SMARCA1: variants seen among roughly 807,000 people sequenced by gnomAD.
SMARCA1 encodes the protein SNF2 related chromatin remodeling ATPase 1, also known as SWI/SNF-related matrix-associated actin-dependent regulator of chromatin subfamily A member 1.
Under a neutral mutation model 93.6 loss-of-function variants are expected in SMARCA1, and 17 were observed. The ratio of observed to expected loss-of-function variants is 0.18; its 90% CI spans 0.12 to 0.27. The LOEUF (loss-of-function observed/expected upper bound fraction) is 0.27, where lower values mean the gene tolerates loss of function less well. Ranked by LOEUF, SMARCA1 falls within the 10% of genes least tolerant of loss-of-function variation. SMARCA1 has a pLI of 1.00. For missense variants in SMARCA1, 630 were observed against 819.0 expected, an observed-to-expected ratio of 0.77 and a Z score of 2.82; for synonymous variants, 271 against 271.4, an observed-to-expected ratio of 1.00 and a Z score of 0.01.
In SMARCA1 at chrX:129,446,861, C is replaced by T. The variant is rs951673337; in HGVS notation, c.*301G>A. On this transcript the variant is annotated 3_prime_UTR_variant, in exon 25 of 25. Transcript: ENST00000371121. ...GAATCTAGGTTCTCTTTCAAAGCAG[C>T]GGCATATAAAACATAGAAAAGCTAA... The T allele has an allele frequency of 5.4e-6, 1 of 183,659 alleles. No individual in the cohort carries two copies. The allele number at this position is 183,659 out of a possible 1,213,427, so 15.1% of individuals were successfully genotyped here.
intron 1 of SMARCA1, among the ~76,000 whole-genome samples, chrX:129,520,519 C>T (rs1935351392): frequency 9.0e-6 from 1 of 110,686 alleles, no homozygotes; most frequent in East Asian, 2.8e-4. Context: ...ATTTGGTAGA[C>T]AATTCCACCA....
rs764813501 is a variant in SMARCA1, at chrX:129,457,161, A to T, written c.3030+8359T>A. 2.7e-5 allele frequency among the ~76,000 whole-genome samples: 3 copies of T among 112,540 alleles called. No homozygotes were observed. In the Admixed American group the frequency reaches 2.8e-4, roughly 11 times the overall value. On this transcript the variant is annotated intron_variant, in intron 23 of 24. Coordinates refer to ENST00000371121, the MANE Select transcript of SMARCA1 (RefSeq NM_001282874.2). ...GAGGCAAGACCATCCACCAGCAAAAAGATTACAACTTGCTAAAGGCTCAGA... is the reference window on the plus strand; with the variant it reads ...GAGGCAAGACCATCCACCAGCAAAATGATTACAACTTGCTAAAGGCTCAGA...
intron 9 of SMARCA1, among the ~76,000 whole-genome samples, 169 bp downstream of exon 9, chrX:129,504,565 A>T (rs1049342261): frequency 1.0e-5 from 1 of 98,070 alleles, no homozygotes; most frequent in South Asian, 4.5e-4. Context: ...AAAAAAAAAA[A>T]AAAAAAAAAA....
intron 23 of SMARCA1, among the ~76,000 whole-genome samples, chrX:129,460,309 T>C (rs765886069): frequency 1.8e-5 from 2 of 111,016 alleles, no homozygotes; most frequent in Non-Finnish European, 3.8e-5. Flanking sequence ...CAATGATGTA[T>C]TAATTCATAT....
intron 7 of SMARCA1, among the ~76,000 whole-genome samples, chrX:129,507,448 C>A (rs1246155555): frequency 8.9e-6 from 1 of 112,593 alleles, no homozygotes; most frequent in Non-Finnish European, 1.9e-5. Context: ...AGGAGGTATA[C>A]CAAAGGAACA....
At chrX:129,494,001 T>C (rs917939065) in intron 12 of SMARCA1, among the ~76,000 whole-genome samples, 24 of 111,795 alleles carry the variant, frequency 2.1e-4, no homozygotes, top group Non-Finnish European at 1.1e-4. Flanking sequence ...GATGAAATGA[T>C]GGTGTGGACA....
chrX:129,510,944 CA>C (rs1045339350), intron 6 of SMARCA1, among the ~76,000 whole-genome samples: 1 of 110,749 alleles, frequency 9.0e-6, no homozygotes, highest in Non-Finnish European at 1.9e-5. Context: ...TTTCTTCAAG[CA>C]AAATGATAAG....
intron 6 of SMARCA1, among the ~76,000 whole-genome samples, chrX:129,511,315 G>A (rs1027470920): frequency 9.0e-6 from 1 of 111,402 alleles, no homozygotes; most frequent in African/African-American, 3.3e-5. Context: ...CACAAAACAC[G>A]AGGCTCTCTG....
intron 19 of SMARCA1, among the ~76,000 whole-genome samples, chrX:129,477,249 T>C (rs901531027): frequency 8.1e-5 from 9 of 111,778 alleles, no homozygotes; most frequent in African/African-American, 2.9e-4. Flanking sequence ...GCAGCCAAAG[T>C]GATCTTTTAA....
chrX:129,504,620 G>A, intron 9 of SMARCA1, 114 bp downstream of exon 9: 1 of 297,694 alleles, frequency 3.4e-6, no homozygotes, highest in Non-Finnish European at 6.2e-6. Flanking sequence ...GAGAAACAGT[G>A]ACATTGAGCC....
intron 1 of SMARCA1, among the ~76,000 whole-genome samples, chrX:129,522,318 GA>G (rs1327662400): frequency 7.7e-4 from 67 of 86,557 alleles, no homozygotes; most frequent in African/African-American, 1.8e-3. Context: ...AATTAAAGGA[GA>G]AAAAAAAAAA....
intron 23 of SMARCA1, among the ~76,000 whole-genome samples, chrX:129,462,069 G>C (rs1413410968): frequency 1.8e-5 from 2 of 111,868 alleles, no homozygotes; most frequent in South Asian, 3.7e-4. Context: ...AGTACTTTGA[G>C]ATCTCTGAAT....
intron 23 of SMARCA1, among the ~76,000 whole-genome samples, chrX:129,463,459 T>A (rs1248479177): frequency 8.9e-6 from 1 of 112,037 alleles, no homozygotes; most frequent in African/African-American, 3.2e-5. Context: ...TTCAATAATC[T>A]ATTTCAATGA....
At chrX:129,467,838 C>A (rs1443681493) in intron 21 of SMARCA1, among the ~76,000 whole-genome samples, 1 of 111,573 alleles carries the variant, frequency 9.0e-6, no homozygotes, top group Non-Finnish European at 1.9e-5. Context: ...CAGGGGCTAT[C>A]ATAGAAACTT....
intron 23 of SMARCA1, among the ~76,000 whole-genome samples, chrX:129,462,236 T>A (rs1377509933): frequency 8.9e-6 from 1 of 112,258 alleles, no homozygotes; most frequent in Admixed American, 9.5e-5. Flanking sequence ...TTGAACACAG[T>A]GACACACTCA....
chrX:129,458,264 C>T (rs754079292), intron 23 of SMARCA1, among the ~76,000 whole-genome samples: 1 of 112,094 alleles, frequency 8.9e-6, no homozygotes, highest in South Asian at 3.7e-4. Context: ...TGTTTTTAGC[C>T]ACTAAAAAAT....
chrX:129,477,433 G>A (rs1933437392), intron 19 of SMARCA1, among the ~76,000 whole-genome samples: 1 of 110,512 alleles, frequency 9.0e-6, no homozygotes, highest in Non-Finnish European at 1.9e-5. Context: ...TGCACCTGTA[G>A]TCCCAGCTAC....
intron 1 of SMARCA1, 132 bp downstream of exon 1, chrX:129,523,065 C>G: frequency 1.4e-6 from 1 of 734,520 alleles, no homozygotes; most frequent in East Asian, 3.6e-5. Flanking sequence ...CGCCGCCGAC[C>G]CCCGCACCCG....
intron 23 of SMARCA1, among the ~76,000 whole-genome samples, chrX:129,453,660 G>A (rs1037609196): frequency 9.0e-6 from 1 of 111,226 alleles, no homozygotes; most frequent in African/African-American, 3.3e-5. Flanking sequence ...AATAGACAGA[G>A]AGCCAAATCA....
Sources: allele counts gnomAD v4.1 joint callset (sites outside exome capture counted in the v4.1 genomes callset), GRCh38; gene constraint gnomAD v4.1.1; transcripts MANE v1.5; gene names NCBI Gene and HGNC (gene_info 2026-07-23, HGNC 2026-07-21).